NIF3L1: variants seen among roughly 807,000 people sequenced by gnomAD.
The protein encoded by NIF3L1 is NIF3-like protein 1.
In NIF3L1, 26 loss-of-function variants were observed where a neutral mutation model predicts 35.0. The observed-to-expected ratio is 0.74, with a 90% CI of 0.54 to 1.03. The LOEUF (loss-of-function observed/expected upper bound fraction) is 1.03, where lower values mean the gene tolerates loss of function less well. Among genes scored for constraint, NIF3L1 ranks in the 50% least tolerant of loss-of-function variants. The probability of loss-of-function intolerance (pLI) is 0.00; values close to 1 mark genes in which losing one functional copy is unlikely to be tolerated. For missense variants in NIF3L1, 449 were observed against 466.3 expected (o/e 0.96, Z 0.34); for synonymous variants, 157 against 178.9 (o/e 0.88, Z 0.98).
At chr2:200,903,026 T>TA (rs915628189) in intron 6 of NIF3L1, among the ~76,000 whole-genome samples, 37 of 152,124 alleles carry the variant, frequency 2.4e-4, no homozygotes, top group African/African-American at 8.4e-4. Flanking sequence ...ATTTTCAAGA[T>TA]AGTCTTACTC....
At position 200,891,920 on chromosome 2, in the gene NIF3L1, A is replaced by C. The variant is rs769371830; in HGVS notation, c.-24A>C. ...CATTTTCTTTGTTTTGACATCAGAA[A>C]CTTGAACTTTACCTGATTTCTGTAT... On this transcript the variant is annotated splice_region_variant and 5_prime_UTR_variant, in exon 2 of 7. Transcript: ENST00000409020. The C allele has an allele frequency of 6.5e-7, 1 of 1,550,002 alleles. No homozygotes were observed. Among genetic ancestry groups the C allele is most frequent in the South Asian group, 1.2e-5 (1 of 83,400 alleles).
At chr2:200,897,600 G>C (rs770356469) in intron 5 of NIF3L1, among the ~76,000 whole-genome samples, 1 of 152,050 alleles carries the variant, frequency 6.6e-6, no homozygotes, top group Non-Finnish European at 1.5e-5. Flanking sequence ...AAGCAAGGGA[G>C]GCATAAAGTG....
At chr2:200,897,479 G>A (rs2040337851) in intron 5 of NIF3L1, among the ~76,000 whole-genome samples, 1 of 152,108 alleles carries the variant, frequency 6.6e-6, no homozygotes. Flanking sequence ...ACTGGTTGCT[G>A]TTGCAGAGGG....
intron 4 of NIF3L1, 136 bp from the exon 5 acceptor site, chr2:200,896,940 A>G: frequency 1.2e-6 from 1 of 818,520 alleles, no homozygotes; most frequent in East Asian, 2.7e-5. Flanking sequence ...TAGAAGAATG[A>G]TTTTGTCAGG....
chr2:200,902,305 C>T (rs1216135129), intron 6 of NIF3L1, among the ~76,000 whole-genome samples: 5 of 152,204 alleles, frequency 3.3e-5, no homozygotes, highest in African/African-American at 4.8e-5. Context: ...TGGTGGCTCA[C>T]GCCTGTAATC....
rs1323290671 is a variant in NIF3L1 at position 200,892,224 on chromosome 2, C to T, written c.281C>T (p.Pro94Leu). The T allele has an allele frequency of 1.9e-5, 31 of 1,614,060 alleles. No homozygotes were observed. Among genetic ancestry groups the T allele is most frequent in the Non-Finnish European group, 2.2e-5 (26 of 1,180,052 alleles). Reference sequence around the variant, plus strand: ...GCAGACCTCATTCTCTCCTACCATCCGCCTATCTTCCGACCCATGAAGCGC... The same window carrying T: ...GCAGACCTCATTCTCTCCTACCATCTGCCTATCTTCCGACCCATGAAGCGC... ...KKADLILSYH[P>L]PIFRPMKRIT... Residue 94 changes from proline (P) to leucine (L), a missense_variant, in exon 2 of 7, where the codon CCG (proline) becomes CTG (leucine). Transcript: ENST00000409020.
chr2:200,893,493 T>G lies in NIF3L1; in HGVS notation c.599+85T>G, dbSNP rs984475511. On this transcript the variant is annotated intron_variant, in intron 3 of 6. Coordinates refer to ENST00000409020, the MANE Select transcript of NIF3L1 (RefSeq NM_001369441.2). ...AGTCTATAACCCTGGTATTTAGGCT[T>G]GAAACAAATAGTTTTCTCTGGAGTT... 5 of 1,314,930 alleles carry G rather than the reference T, an allele frequency of 3.8e-6. No individual in the cohort carries two copies. In the African/African-American group the frequency reaches 4.4e-5, roughly 12 times the overall value. The allele number at this position is 1,314,930 out of a possible 1,614,324, so 81.5% of individuals were successfully genotyped here.
At chr2:200,895,232 T>G (rs2040280128) in intron 3 of NIF3L1, 32 bp from the exon 4 acceptor site, 1 of 1,602,474 alleles carries the variant, frequency 6.2e-7, no homozygotes, top group South Asian at 1.1e-5. Context: ...TTGGCTATAT[T>G]TGTCCTAAAT....
intron 3 of NIF3L1, among the ~76,000 whole-genome samples, chr2:200,894,950 G>C (rs2040276298): frequency 1.3e-5 from 2 of 152,044 alleles, no homozygotes; most frequent in Non-Finnish European, 2.9e-5. Flanking sequence ...CCTTGGACCA[G>C]CAACATCAGC....
At chr2:200,899,272 T>G (rs967077115) in intron 5 of NIF3L1, 113 bp from the exon 6 acceptor site, 14 of 680,554 alleles carry the variant, frequency 2.1e-5, no homozygotes, top group Middle Eastern at 2.5e-4. Flanking sequence ...CATATACTGG[T>G]GATGAGACCA....
intron 6 of NIF3L1, among the ~76,000 whole-genome samples, chr2:200,902,805 T>C (rs900002322): frequency 3.3e-5 from 5 of 152,198 alleles, no homozygotes; most frequent in Non-Finnish European, 5.9e-5. Context: ...TACATATAAT[T>C]TCCTCCAGAG....
chr2:200,900,547 G>T (rs1379499230), intron 6 of NIF3L1, among the ~76,000 whole-genome samples: 2 of 152,024 alleles, frequency 1.3e-5, no homozygotes, highest in East Asian at 3.9e-4. Context: ...TCTTACAAAG[G>T]CTGCTGCACT....
Position 200,903,728 on chromosome 2 carries a change from T to C in NIF3L1, c.*50T>C, listed in dbSNP as rs1003282542. The C allele has an allele frequency of 6.7e-6, 10 of 1,482,364 alleles. No individual in the cohort carries two copies. In the African/African-American group the frequency reaches 9.7e-5, roughly 14 times the overall value. 91.8% of individuals were successfully genotyped at this position (1,482,364 alleles called of 1,614,324 possible). ...TTCTACAAATCAGCTGGATGCCAAC[T>C]TAAATTTGTAACATGAGTCAGTGGG... On this transcript the variant is annotated 3_prime_UTR_variant, in exon 7 of 7. Transcript: ENST00000409020.
At chr2:200,903,343 T>TAC (rs749287060) in intron 6 of NIF3L1, 151 bp from the exon 7 acceptor site, 15 of 672,348 alleles carry the variant, frequency 2.2e-5, no homozygotes, top group Non-Finnish European at 3.3e-5. Context: ...AAGAAAACTG[T>TAC]ACACTACTTT....
At chr2:200,892,715 T>G (rs1207376166) in intron 2 of NIF3L1, among the ~76,000 whole-genome samples, 1 of 152,190 alleles carries the variant, frequency 6.6e-6, no homozygotes, top group Non-Finnish European at 1.5e-5. Context: ...ACTTGATTGA[T>G]AAGTCAAGTA....
intron 2 of NIF3L1, among the ~76,000 whole-genome samples, chr2:200,892,621 T>C (rs751748516): frequency 2.0e-5 from 3 of 152,242 alleles, no homozygotes; most frequent in African/African-American, 2.4e-5. Context: ...GCTTCATGAT[T>C]CCTCACTTTT....
chr2:200,899,609 G>T, intron 6 of NIF3L1, 141 bp downstream of exon 6: 1 of 589,990 alleles, frequency 1.7e-6, no homozygotes, highest in Non-Finnish European at 3.1e-6. Flanking sequence ...ACAGAACTGG[G>T]GACTTACTGC....
chr2:200,897,923 G>C (rs756201717), intron 5 of NIF3L1, among the ~76,000 whole-genome samples: 9 of 152,196 alleles, frequency 5.9e-5, no homozygotes, highest in Non-Finnish European at 1.0e-4. Flanking sequence ...TCTGAGCTTA[G>C]ACAACCTGGC....
intron 5 of NIF3L1, chr2:200,898,877 T>G (rs2040362803): frequency 6.6e-6 from 1 of 152,320 alleles, no homozygotes; most frequent in Non-Finnish European, 1.5e-5. Flanking sequence ...AGAATAGAGA[T>G]AGTACTTGCT....
Sources: allele counts gnomAD v4.1 joint callset (sites outside exome capture counted in the v4.1 genomes callset), GRCh38; gene constraint gnomAD v4.1.1; transcripts MANE v1.5; gene names NCBI Gene and HGNC (gene_info 2026-07-23, HGNC 2026-07-21).